The following METTL14 variants were observed in gnomAD, a reference collection of about 807,000 sequenced individuals.
METTL14 encodes methyltransferase 14, N6-adenosine-methyltransferase non-catalytic subunit.
Under a neutral mutation model 62.4 loss-of-function variants are expected in METTL14, and 32 were observed. That is an observed-to-expected ratio of 0.51 (90% CI 0.39 to 0.69). The LOEUF (loss-of-function observed/expected upper bound fraction) is 0.69, where lower values mean the gene tolerates loss of function less well. METTL14 is among the 30% of genes least tolerant of loss of function. The pLI is 0.00. For missense variants in METTL14, 340 were observed against 551.9 expected (o/e 0.62, Z 3.85); for synonymous variants, 150 against 180.0 (o/e 0.83, Z 1.34).
intron 6 of METTL14, 32 bp downstream of exon 6, chr4:118,694,558 C>A: frequency 6.7e-7 from 1 of 1,491,406 alleles, no homozygotes. Context: ...CTGTTTATTC[C>A]CAACTCAGGC....
Position 118,703,990 on chromosome 4 carries a change from A to C in METTL14, c.794A>C (p.Asn265Thr), listed in dbSNP as rs1339114114. The change falls in exon 9 of 11, where the codon AAT (asparagine) becomes ACT (threonine). Residue 265 changes from asparagine (N) to threonine (T), a missense_variant. Asn to Thr is a moderately conservative substitution (Grantham distance 65). This residue lies in a region of METTL14 where 58 missense variants were observed against 147.5 expected (regional missense o/e 0.39). Transcript: ENST00000388822. The part of the protein sequence containing the change: ...RCEDICWIKT[N>T]KNNPGKTKTL... ...GAAGATATTTGTTGGATTAAAACCA[A>C]TAAAAACAATCCTGGGAAGACTAAG... The C allele has an allele frequency of 2.5e-6, 4 of 1,597,158 alleles. No individual in the cohort carries two copies. In the East Asian group the frequency reaches 9.0e-5, roughly 36 times the overall value.
intron 8 of METTL14, among the ~76,000 whole-genome samples, chr4:118,701,490 T>C (rs1203808259): frequency 6.6e-6 from 1 of 152,150 alleles, no homozygotes; most frequent in African/African-American, 2.4e-5. Context: ...CTGGCCCTGA[T>C]TGGCCTTCAC....
chr4:118,708,365 C>T (rs1334947658), intron 10 of METTL14, among the ~76,000 whole-genome samples: 4 of 151,848 alleles, frequency 2.6e-5, no homozygotes, highest in Non-Finnish European at 5.9e-5. Flanking sequence ...GTGTTGTGTT[C>T]CACATATATT....
intron 9 of METTL14, 48 bp from the exon 10 acceptor site, chr4:118,705,563 A>G (rs1190043830): frequency 2.1e-6 from 3 of 1,450,744 alleles, no homozygotes; most frequent in Non-Finnish European, 2.9e-6. Flanking sequence ...AAGGTTTTGG[A>G]ATGACTGTTG....
rs773094311 is a variant in METTL14 at position 118,703,889 on chromosome 4, A to G, written c.739-46A>G. ...TGGTTGTTATTGTTAAGTATTGTTTATTTCTTTAAGTTAAGGATTTGTGTT... is the reference window on the plus strand; with the variant it reads ...TGGTTGTTATTGTTAAGTATTGTTTGTTTCTTTAAGTTAAGGATTTGTGTT... On this transcript the variant is annotated intron_variant, in intron 8 of 10. Coordinates refer to ENST00000388822, the MANE Select transcript of METTL14 (RefSeq NM_020961.4). 9 of 1,133,890 alleles carry G rather than the reference A, an allele frequency of 7.9e-6. No homozygotes were observed. The South Asian group carries it at 1.4e-4, about 17-fold the overall frequency. 70.2% of individuals were successfully genotyped at this position (1,133,890 alleles called of 1,614,324 possible). A position where few individuals can be genotyped will look rare whatever the true frequency, so the allele number is the denominator to read the frequency against.
intron 6 of METTL14, among the ~76,000 whole-genome samples, chr4:118,696,306 A>G (rs1724410986): frequency 6.6e-6 from 1 of 151,794 alleles, no homozygotes; most frequent in African/African-American, 2.4e-5. Context: ...CACTGTCTCT[A>G]TTTTGAGACC....
Position 118,691,041 on chromosome 4 carries a change from C to A in METTL14, c.244-491C>A, listed in dbSNP as rs573499857. On this transcript the variant is annotated intron_variant, in intron 3 of 10. Coordinates refer to ENST00000388822, the MANE Select transcript of METTL14 (RefSeq NM_020961.4). ...CTCTAGAAAGTTCAGTGAAATAATA[C>A]CTAATCTCGTGAATATTGTCTTATA... Among the ~76,000 whole-genome samples, 3 of 151,926 alleles carry A rather than the reference C, an allele frequency of 2.0e-5. No homozygotes were observed. In the East Asian group the frequency reaches 5.8e-4, roughly 29 times the overall value.
intron 5 of METTL14, among the ~76,000 whole-genome samples, chr4:118,692,582 T>C (rs1724284011): frequency 6.6e-6 from 1 of 152,184 alleles, no homozygotes; most frequent in African/African-American, 2.4e-5. Flanking sequence ...ATACCTTCTT[T>C]TTCTATAATC....
intron 5 of METTL14, among the ~76,000 whole-genome samples, chr4:118,693,749 T>G (rs184590951): frequency 2.0e-5 from 3 of 152,264 alleles, no homozygotes; most frequent in Non-Finnish European, 4.4e-5. Context: ...AAGTTGTACC[T>G]TCTGTTTTAT....
At position 118,710,056 on chromosome 4, in the gene METTL14, A is replaced by T. The variant is rs1415772311; in HGVS notation, c.1125A>T (p.Ala375=). Residue 375 remains alanine, a synonymous_variant, in exon 11 of 11, where the codon GCA becomes GCT. Transcript: ENST00000388822. ...GCAACTACAATGCAGAAACATATGC[A>T]TCCTATTTCAGTGCTCCTAATTCCT... ...TNSNYNAETY[A]SYFSAPNSYL... 3.1e-6 allele frequency: 5 copies of T among 1,614,088 alleles called. No homozygotes were observed. The highest frequency in any genetic ancestry group is 4.2e-6 in the Non-Finnish European group (5 of 1,180,032).
intron 1 of METTL14, chr4:118,686,695 A>G (rs892931553): frequency 6.6e-6 from 3 of 454,356 alleles, no homozygotes; most frequent in African/African-American, 4.0e-5. Flanking sequence ...ATTATCTTCA[A>G]AAATGTTAAG....
At chr4:118,694,330 G>A in intron 5 of METTL14, 106 bp from the exon 6 acceptor site, 1 of 682,118 alleles carries the variant, frequency 1.5e-6, no homozygotes, top group South Asian at 2.1e-5. Flanking sequence ...TATGAGTCAA[G>A]TGGCATGTGT....
At chr4:118,709,976 A>G (rs769855967) in intron 10 of METTL14, 22 bp from the exon 11 acceptor site, 2 of 1,564,606 alleles carry the variant, frequency 1.3e-6, no homozygotes, top group Admixed American at 4.0e-5. Flanking sequence ...AAAAAGTATA[A>G]TCTTTTTTTC....
rs1358916646 is a variant in METTL14, at chr4:118,710,172, G to C, written c.1241G>C (p.Arg414Thr). 1.2e-6 allele frequency: 2 copies of C among 1,614,108 alleles called. No homozygotes were observed. The highest frequency in any genetic ancestry group is 1.7e-6 in the Non-Finnish European group (2 of 1,180,050). Residue 414 changes from arginine (R) to threonine (T), a missense_variant, in exon 11 of 11, where the codon AGA becomes ACA. By Grantham distance (71) the Arg-to-Thr change is moderately conservative. Transcript: ENST00000388822. ...TCTGACCGAGGAGGTGGAGCTCCCAGAGGTGGAGGAAGAGGTGGAACTTCT... is the reference window on the plus strand; with the variant it reads ...TCTGACCGAGGAGGTGGAGCTCCCACAGGTGGAGGAAGAGGTGGAACTTCT... ...SKSDRGGGAP[R>T]GGGRGGTSAG...
chr4:118,696,385 G>A (rs763738203), intron 6 of METTL14, among the ~76,000 whole-genome samples: 16 of 151,658 alleles, frequency 1.1e-4, no homozygotes, highest in Non-Finnish European at 2.1e-4. Context: ...TGGTATTATA[G>A]GCATGAGCCA....
At chr4:118,705,555 G>A in intron 9 of METTL14, 56 bp from the exon 10 acceptor site, 1 of 1,355,538 alleles carries the variant, frequency 7.4e-7, no homozygotes, top group South Asian at 1.2e-5. Flanking sequence ...AAATGTGAAA[G>A]GTTTTGGAAT....
chr4:118,713,775 T>G lies in METTL14; in HGVS notation c.*3473T>G, dbSNP rs1037075088. 4 of 152,220 alleles carry G rather than the reference T, an allele frequency of 2.6e-5. No homozygotes were observed. Among genetic ancestry groups the G allele is most frequent in the Non-Finnish European group, 4.4e-5 (3 of 68,026 alleles). The allele number at this position is 152,220 out of a possible 1,614,324, so 9.4% of individuals were successfully genotyped here. On this transcript the variant is annotated 3_prime_UTR_variant, in exon 11 of 11. Transcript: ENST00000388822. ...ATAAATCTAGGACTTCTCAAAAGAT[T>G]AGAACATTTATCCAGTAAACTGACT...
chr4:118,713,531 G>A lies in METTL14; in HGVS notation c.*3229G>A, dbSNP rs1724982511. The A allele has an allele frequency of 6.6e-6, 1 of 152,160 alleles. No homozygotes were observed. 9.4% of individuals were successfully genotyped at this position (152,160 alleles called of 1,614,324 possible). On this transcript the variant is annotated 3_prime_UTR_variant, in exon 11 of 11. Transcript: ENST00000388822. ...ATAATCCTTATTAACATGACAAAAT[G>A]AAAGCCCTGTTGGGACTTAGTCTAA...
intron 7 of METTL14, 65 bp from the exon 8 acceptor site, chr4:118,700,485 C>G: frequency 7.7e-7 from 1 of 1,290,656 alleles, no homozygotes; most frequent in Non-Finnish European, 1.1e-6. Context: ...AATTGTTGTT[C>G]TTTTGGATTT....
Sources: gnomAD v4.1 joint callset for allele counts (sites outside exome capture counted in the v4.1 genomes callset) on GRCh38, gnomAD v4.1.1 for gene constraint, gnomAD v4.1.1 regional missense constraint, MANE v1.5 for transcripts, NCBI Gene and HGNC (gene_info 2026-07-23, HGNC 2026-07-21) for gene names.